IL7R: variants seen among roughly 807,000 people sequenced by gnomAD.
The protein encoded by IL7R is interleukin 7 receptor.
Under a neutral mutation model 47.0 loss-of-function variants are expected in IL7R, and 38 were observed. That is an observed-to-expected ratio of 0.81 (90% CI 0.62 to 1.06). The LOEUF (loss-of-function observed/expected upper bound fraction) is 1.06, where lower values mean the gene tolerates loss of function less well. IL7R is among the 50% of genes least tolerant of loss of function. The pLI is 0.00. For missense variants in IL7R, 633 were observed against 534.8 expected, an observed-to-expected ratio of 1.18 and a Z score of -1.81; for synonymous variants, 221 against 199.8, an observed-to-expected ratio of 1.11 and a Z score of -0.89.
intron 2 of IL7R, among the ~76,000 whole-genome samples, chr5:35,863,448 A>G (rs991229116): frequency 1.3e-5 from 2 of 152,122 alleles, no homozygotes; most frequent in African/African-American, 2.4e-5. Flanking sequence ...TCTCGAAAGG[A>G]CTCATTTGAG....
intron 3 of IL7R, among the ~76,000 whole-genome samples, chr5:35,870,448 A>C (rs1331869268): frequency 6.6e-6 from 1 of 152,216 alleles, no homozygotes; most frequent in African/African-American, 2.4e-5. Context: ...GACGAGGTGC[A>C]AGGTTCACAG....
chr5:35,867,554 T>G (rs769567534), intron 3 of IL7R, 91 bp downstream of exon 3: 1 of 1,004,016 alleles, frequency 1.0e-6, no homozygotes, highest in South Asian at 1.3e-5. Flanking sequence ...AGTAGACAAA[T>G]AGTGGAAACA....
Position 35,865,026 on chromosome 5 carries a change from A to G in IL7R, c.222-2280A>G, listed in dbSNP as rs529240302. On this transcript the variant is annotated intron_variant, in intron 2 of 7. Coordinates refer to ENST00000303115, the MANE Select transcript of IL7R (RefSeq NM_002185.5). ...TGCACAACGTGTAGGTTTGTTACAT[A>G]TGTATACATGTGCCATGTTGGTGTG... 3.3e-5 allele frequency among the ~76,000 whole-genome samples: 5 copies of G among 152,188 alleles called. No homozygotes were observed. The East Asian group carries it at 7.7e-4, about 24-fold the overall frequency.
intron 2 of IL7R, among the ~76,000 whole-genome samples, chr5:35,863,037 C>A (rs1314797736): frequency 6.6e-6 from 1 of 152,018 alleles, no homozygotes; most frequent in African/African-American, 2.4e-5. Flanking sequence ...TTATTTTTAT[C>A]CTGTTCCAAG....
chr5:35,858,413 C>G, intron 1 of IL7R, among the ~76,000 whole-genome samples: 1 of 152,142 alleles, frequency 6.6e-6, no homozygotes, highest in Non-Finnish European at 1.5e-5. Flanking sequence ...AAATCATTTA[C>G]ACTATTAATC....
At chr5:35,860,176 T>G (rs1319585930) in intron 1 of IL7R, among the ~76,000 whole-genome samples, 3 of 152,164 alleles carry the variant, frequency 2.0e-5, no homozygotes, top group East Asian at 3.8e-4. Flanking sequence ...ATGTACAACA[T>G]TCACAGGAAG....
At chr5:35,859,606 C>A (rs1023301241) in intron 1 of IL7R, among the ~76,000 whole-genome samples, 2 of 152,114 alleles carry the variant, frequency 1.3e-5, no homozygotes, top group Non-Finnish European at 1.5e-5. Context: ...CTAGCTAGGG[C>A]TGTTTGAGAT....
At chr5:35,863,661 G>T (rs1193779282) in intron 2 of IL7R, among the ~76,000 whole-genome samples, 3 of 152,090 alleles carry the variant, frequency 2.0e-5, no homozygotes, top group East Asian at 1.9e-4. Context: ...CTTCCAATTT[G>T]ACCCAGTTAT....
At chr5:35,865,351 G>A (rs62355275) in intron 2 of IL7R, among the ~76,000 whole-genome samples, 2,203 of 152,212 alleles carry the variant, frequency 0.014, 34 homozygotes, top group Middle Eastern at 0.075. Context: ...TCTTAATCCA[G>A]TCTATCATTG....
Position 35,876,728 on chromosome 5 carries a change from A to G in IL7R, c.*242A>G. The G allele has an allele frequency of 7.7e-6, 4 of 520,856 alleles. No individual in the cohort carries two copies. Among genetic ancestry groups the G allele is most frequent in the Admixed American group, 3.3e-5 (1 of 30,278 alleles). The allele number at this position is 520,856 out of a possible 1,614,324, so 32.3% of individuals were successfully genotyped here. On this transcript the variant is annotated 3_prime_UTR_variant, in exon 8 of 8. Coordinates refer to ENST00000303115, the MANE Select transcript of IL7R (RefSeq NM_002185.5). ...TGGTCACAAGGTTTAAGGTGACCCA[A>G]TGATTCAGCTATTTAAAAAAAAAAG...
At position 35,867,468 on chromosome 5, in the gene IL7R, G is replaced by C; in HGVS notation, c.379+5G>C. On this transcript the variant is annotated splice_donor_5th_base_variant and intron_variant, in intron 3 of 7. Coordinates refer to ENST00000303115, the MANE Select transcript of IL7R (RefSeq NM_002185.5). The stretch of plus-strand genomic sequence containing the variant: ...AAATAGACCTAACCACTATAGGTAA[G>C]AAGTTGTATATAAAAGTATGGTTGT... 6.2e-7 allele frequency: 1 copy of C among 1,610,338 alleles called. No homozygotes were observed. Among genetic ancestry groups the C allele is most frequent in the South Asian group, 1.1e-5 (1 of 91,024 alleles).
rs1448018291 is a variant in IL7R at position 35,867,439 on chromosome 5, A to C, written c.355A>C (p.Lys119Gln). 6.2e-7 allele frequency: 1 copy of C among 1,612,164 alleles called. No individual in the cohort carries two copies. Among genetic ancestry groups the C allele is most frequent in the African/African-American group, 1.3e-5 (1 of 74,962 alleles). ...VKVGEKSLTC[K>Q]KIDLTTIVKP... The stretch of plus-strand genomic sequence containing the variant: ...GGTTGGAGAAAAGAGTCTAACCTGC[A>C]AAAAAATAGACCTAACCACTATAGG... The change falls in exon 3 of 8, where the codon AAA (lysine) becomes CAA (glutamine). Residue 119 changes from lysine to glutamine, a missense_variant. Lys to Gln is a moderately conservative substitution (Grantham distance 53). Transcript: ENST00000303115.
At chr5:35,863,747 G>A (rs1759877515) in intron 2 of IL7R, among the ~76,000 whole-genome samples, 1 of 152,114 alleles carries the variant, frequency 6.6e-6, no homozygotes, top group African/African-American at 2.4e-5. Flanking sequence ...TATCACAGAA[G>A]AGGAAAATTA....
At chr5:35,866,320 G>T (rs538638495) in intron 2 of IL7R, among the ~76,000 whole-genome samples, 1 of 152,042 alleles carries the variant, frequency 6.6e-6, no homozygotes, top group Non-Finnish European at 1.5e-5. Context: ...TCTTGTGAAA[G>T]TTTGCTTATA....
intron 3 of IL7R, among the ~76,000 whole-genome samples, chr5:35,868,055 A>C (rs902249781): frequency 2.6e-5 from 4 of 152,144 alleles, no homozygotes; most frequent in Non-Finnish European, 5.9e-5. Context: ...GAAATTCAGG[A>C]AAGAGTGCAG....
chr5:35,874,360 A>G, intron 5 of IL7R, 89 bp from the exon 6 acceptor site: 2 of 866,150 alleles, frequency 2.3e-6, no homozygotes, highest in Non-Finnish European at 4.0e-6. Flanking sequence ...AAGTGGGCCC[A>G]CATTACTAAG....
intron 3 of IL7R, among the ~76,000 whole-genome samples, chr5:35,868,114 A>C (rs77985203): frequency 2.6e-5 from 4 of 152,128 alleles, no homozygotes; most frequent in African/African-American, 9.7e-5. Flanking sequence ...GATTTTCTGT[A>C]TTGTACTCTT....
At chr5:35,870,589 G>A (rs145406229) in intron 3 of IL7R, among the ~76,000 whole-genome samples, 6 of 152,332 alleles carry the variant, frequency 3.9e-5, no homozygotes, top group African/African-American at 1.4e-4. Flanking sequence ...ATTAACACTA[G>A]CTGCTGTAAC....
At chr5:35,865,982 C>T (rs563414306) in intron 2 of IL7R, among the ~76,000 whole-genome samples, 3 of 152,216 alleles carry the variant, frequency 2.0e-5, no homozygotes, top group Non-Finnish European at 4.4e-5. Flanking sequence ...ATATTCCTGT[C>T]GTGTCCTGGT....
Sources: allele counts gnomAD v4.1 joint callset (sites outside exome capture counted in the v4.1 genomes callset), GRCh38; gene constraint gnomAD v4.1.1; transcripts MANE v1.5; gene names NCBI Gene and HGNC (gene_info 2026-07-23, HGNC 2026-07-21).